PHACTR1: variants seen among roughly 807,000 people sequenced by gnomAD.
PHACTR1 encodes the protein RPEL repeat containing 1.
In PHACTR1, 16 loss-of-function variants were observed where a neutral mutation model predicts 69.2. That is an observed-to-expected ratio of 0.23 (90% CI 0.16 to 0.35). PHACTR1 has a LOEUF of 0.35. Among genes scored for constraint, PHACTR1 ranks in the 10% least tolerant of loss-of-function variants. The pLI, the probability that PHACTR1 is intolerant of heterozygous loss-of-function variation, is 1.00. For synonymous variants in PHACTR1, 312 were observed against 284.5 expected, an observed-to-expected ratio of 1.10 and a Z score of -0.97; for missense variants, 510 against 734.7, an observed-to-expected ratio of 0.69 and a Z score of 3.54.
chr6:12,884,402 ATT>A (rs779017824), intron 4 of PHACTR1, among the ~76,000 whole-genome samples: 15 of 142,634 alleles, frequency 1.1e-4, no homozygotes, highest in Admixed American at 1.4e-4. Flanking sequence ...GGTTTACTGA[ATT>A]TTTTTTTTTT....
chr6:12,950,348 G>A (rs574242202), intron 4 of PHACTR1, among the ~76,000 whole-genome samples: 19 of 152,322 alleles, frequency 1.2e-4, no homozygotes, highest in African/African-American at 3.4e-4. Context: ...TTTTATGATG[G>A]CATCTCTGCA....
intron 7 of PHACTR1, among the ~76,000 whole-genome samples, chr6:13,194,649 T>C (rs1449807291): frequency 6.6e-6 from 1 of 152,196 alleles, no homozygotes; most frequent in African/African-American, 2.4e-5. Context: ...AGACAGAAGA[T>C]TTTAAATGTT....
At chr6:13,224,595 TA>T (rs984773924) in intron 8 of PHACTR1, among the ~76,000 whole-genome samples, 20 of 152,156 alleles carry the variant, frequency 1.3e-4, no homozygotes, top group African/African-American at 4.3e-4. Context: ...AACTATGTTA[TA>T]AAAAAAACTC....
chr6:13,159,118 C>A (rs1013943906), intron 5 of PHACTR1, among the ~76,000 whole-genome samples: 7 of 152,076 alleles, frequency 4.6e-5, no homozygotes, highest in African/African-American at 1.7e-4. Flanking sequence ...CTTGATTTGC[C>A]CCCCAGCACA....
At chr6:12,724,193 G>A (rs1397927531) in intron 3 of PHACTR1, among the ~76,000 whole-genome samples, 1 of 152,064 alleles carries the variant, frequency 6.6e-6, no homozygotes, top group Non-Finnish European at 1.5e-5. Flanking sequence ...TGGGTGTGGT[G>A]GTGGGCACCT....
intron 5 of PHACTR1, among the ~76,000 whole-genome samples, chr6:13,106,967 A>G (rs1035822872): frequency 1.3e-4 from 20 of 152,142 alleles, no homozygotes; most frequent in Admixed American, 8.5e-4. Flanking sequence ...GTATTTTGTT[A>G]AGGATTTTCA....
Position 12,883,951 on chromosome 6 carries a change from T to C in PHACTR1, c.250+134161T>C, listed in dbSNP as rs1367254835. On this transcript the variant is annotated intron_variant, in intron 4 of 14. Transcript: ENST00000332995. ...ACATGCCCATACATACACATACATA[T>C]ACACACAGTCACACATGTACCCACA... 1.3e-5 allele frequency among the ~76,000 whole-genome samples: 2 copies of C among 151,896 alleles called. 1 individual carries two copies. The highest frequency in any genetic ancestry group is 3.9e-4 in the East Asian group (2 of 5,192).
chr6:12,718,067 A>G (rs1761616564), intron 2 of PHACTR1, among the ~76,000 whole-genome samples: 1 of 152,220 alleles, frequency 6.6e-6, no homozygotes, highest in African/African-American at 2.4e-5. Context: ...GTAATGCTGC[A>G]ATCATTCTTG....
chr6:12,806,716 A>G (rs1017154546), intron 4 of PHACTR1, among the ~76,000 whole-genome samples: 14 of 152,154 alleles, frequency 9.2e-5, no homozygotes, highest in African/African-American at 2.2e-4. Context: ...AGTATTATTT[A>G]GTGAAGCAAT....
intron 4 of PHACTR1, among the ~76,000 whole-genome samples, chr6:12,845,900 A>G (rs1226165346): frequency 1.3e-5 from 2 of 152,220 alleles, no homozygotes; most frequent in Non-Finnish European, 2.9e-5. Flanking sequence ...CAAAGTAAGC[A>G]ATTTCATTGT....
chr6:13,211,238 AC>A (rs1391920951), intron 8 of PHACTR1, among the ~76,000 whole-genome samples: 1 of 152,028 alleles, frequency 6.6e-6, no homozygotes, highest in Admixed American at 6.5e-5. Context: ...TGTACACTGT[AC>A]CCAGTGTGTA....
chr6:13,134,795 TAAAAAAAAA>T (rs35318262), intron 5 of PHACTR1, among the ~76,000 whole-genome samples: 62,256 of 111,722 alleles, frequency 0.56, 16,053 homozygotes, highest in East Asian at 0.71. Flanking sequence ...CAATAAATAC[TAAAAAAAAA>T]AAAAAAAAAA....
intron 4 of PHACTR1, among the ~76,000 whole-genome samples, chr6:12,936,275 A>T (rs1789437661): frequency 6.6e-6 from 1 of 152,200 alleles, no homozygotes; most frequent in Non-Finnish European, 1.5e-5. Flanking sequence ...GAGTTGTGCT[A>T]GCCACCTATC....
At chr6:12,721,178 G>A (rs1762079740) in intron 3 of PHACTR1, among the ~76,000 whole-genome samples, 1 of 152,180 alleles carries the variant, frequency 6.6e-6, no homozygotes, top group Admixed American at 6.5e-5. Flanking sequence ...TGGAGGTCAG[G>A]AGTTCGAGAC....
At chr6:12,792,922 T>A (rs1337041081) in intron 4 of PHACTR1, among the ~76,000 whole-genome samples, 1 of 151,876 alleles carries the variant, frequency 6.6e-6, no homozygotes, top group Non-Finnish European at 1.5e-5. Context: ...GCTTTCTATT[T>A]TCAGCAAGCT....
chr6:12,854,486 A>G lies in PHACTR1; in HGVS notation c.250+104696A>G, dbSNP rs376833581. Among the ~76,000 whole-genome samples, 55 of 152,324 alleles carry G rather than the reference A, an allele frequency of 3.6e-4. No individual in the cohort carries two copies. The South Asian group carries it at 0.011, about 30-fold the overall frequency. The stretch of plus-strand genomic sequence containing the variant: ...TGCTTTGTTGTGTACCTAAGGAAAT[A>G]TCACCGTTAGATGGATGAATTTTTG... On this transcript the variant is annotated intron_variant, in intron 4 of 14. Transcript: ENST00000332995.
chr6:12,991,170 T>A (rs1055028003), intron 4 of PHACTR1, among the ~76,000 whole-genome samples: 9 of 152,198 alleles, frequency 5.9e-5, no homozygotes, highest in Non-Finnish European at 1.3e-4. Context: ...ACCTGTCCCT[T>A]GTTCCAGGAG....
chr6:12,746,377 T>A (rs190885323), intron 3 of PHACTR1, among the ~76,000 whole-genome samples: 15 of 152,050 alleles, frequency 9.9e-5, no homozygotes, highest in African/African-American at 3.6e-4. Flanking sequence ...CTACAAAAAA[T>A]ATAAAAATTA....
At chr6:12,859,611 G>A (rs1780739931) in intron 4 of PHACTR1, among the ~76,000 whole-genome samples, 1 of 152,138 alleles carries the variant, frequency 6.6e-6, no homozygotes, top group Admixed American at 6.5e-5. Flanking sequence ...GGTTTTTTAA[G>A]TAGCAGCAGC....
Sources: gnomAD v4.1 joint callset for allele counts (sites outside exome capture counted in the v4.1 genomes callset) on GRCh38, gnomAD v4.1.1 for gene constraint, MANE v1.5 for transcripts, NCBI Gene and HGNC (gene_info 2026-07-23, HGNC 2026-07-21) for gene names.